The following PTPN14 variants were observed in gnomAD, a reference collection of about 807,000 sequenced individuals.
PTPN14 encodes the protein tyrosine-protein phosphatase non-receptor type 14.
Under a neutral mutation model 126.8 loss-of-function variants are expected in PTPN14, and 53 were observed. That is an observed-to-expected ratio of 0.42 (90% CI 0.34 to 0.53). The LOEUF (loss-of-function observed/expected upper bound fraction) is 0.53, where lower values mean the gene tolerates loss of function less well. PTPN14 is among the 20% of genes least tolerant of loss of function. PTPN14 has a pLI of 0.08. For missense variants in PTPN14, 1,257 were observed against 1,552.9 expected (o/e 0.81, Z 3.20); for synonymous variants, 630 against 599.3 (o/e 1.05, Z -0.75).
Position 214,444,439 on chromosome 1 carries a change from C to T in PTPN14, c.344+7366G>A, listed in dbSNP as rs932489836. ...AAGGGAGTCCCTGTATCCCAGCCCA[C>T]GGGTAGACTTTAAATATCCAGTAAA... On this transcript the variant is annotated intron_variant, in intron 3 of 18. Coordinates refer to ENST00000366956, the MANE Select transcript of PTPN14 (RefSeq NM_005401.5). 9.2e-5 allele frequency among the ~76,000 whole-genome samples: 14 copies of T among 152,146 alleles called. 1 individual carries two copies. In the South Asian group the frequency reaches 1.2e-3, roughly 14 times the overall value.
In PTPN14 at chr1:214,352,275, G is replaced by C. The variant is rs1339790376; in HGVS notation, c.*5647C>G. On this transcript the variant is annotated 3_prime_UTR_variant, in exon 19 of 19. Transcript: ENST00000366956. ...ATTTTAATAGAGAATATCTTAGTTT[G>C]GCTTTGAGAAAGAAGATGCAGCTAT... The C allele has an allele frequency of 1.3e-5, 2 of 152,184 alleles. No individual in the cohort carries two copies. The highest frequency in any genetic ancestry group is 4.8e-5 in the African/African-American group (2 of 41,438). 9.4% of individuals were successfully genotyped at this position (152,184 alleles called of 1,614,324 possible).
chr1:214,421,444 A>G lies in PTPN14; in HGVS notation c.345-6718T>C, dbSNP rs181067909. ...TAACATTTTGAAATTAGACAGTGACAGTGGCTGCACAACTTTGTTAAAACA... is the reference window on the plus strand; with the variant it reads ...TAACATTTTGAAATTAGACAGTGACGGTGGCTGCACAACTTTGTTAAAACA... On this transcript the variant is annotated intron_variant, in intron 3 of 18. Transcript: ENST00000366956. 2.5e-3 allele frequency among the ~76,000 whole-genome samples: 378 copies of G among 152,328 alleles called. 1 individual carries two copies. Among genetic ancestry groups the G allele is most frequent in the Non-Finnish European group, 4.0e-3 (274 of 68,024 alleles).
At chr1:214,440,457 T>C (rs928910390) in intron 3 of PTPN14, among the ~76,000 whole-genome samples, 3 of 152,160 alleles carry the variant, frequency 2.0e-5, no homozygotes, top group Non-Finnish European at 2.9e-5. Flanking sequence ...TTGTGAGCAA[T>C]AAAGAGAGGA....
intron 1 of PTPN14, among the ~76,000 whole-genome samples, chr1:214,543,640 T>C (rs1045731300): frequency 6.7e-6 from 1 of 149,178 alleles, no homozygotes; most frequent in African/African-American, 2.5e-5. Flanking sequence ...TATAACACGT[T>C]TTTTTTTTTT....
intron 1 of PTPN14, among the ~76,000 whole-genome samples, chr1:214,504,730 C>T (rs145609308): frequency 1.1e-3 from 165 of 152,232 alleles, no homozygotes; most frequent in African/African-American, 3.3e-3. Flanking sequence ...TGAGCTTAAT[C>T]GAGGGGAGAC....
chr1:214,496,206 A>G (rs146653047), intron 1 of PTPN14, among the ~76,000 whole-genome samples: 246 of 152,320 alleles, frequency 1.6e-3, no homozygotes, highest in Non-Finnish European at 2.8e-3. Context: ...TTGCTTCTGC[A>G]TAACTAGATC....
chr1:214,482,841 C>G (rs200411782), intron 1 of PTPN14: 1 of 1,591,206 alleles, frequency 6.3e-7, no homozygotes, highest in South Asian at 1.1e-5. Context: ...CACTTTTATA[C>G]TGATGTCACC....
chr1:214,460,641 C>G (rs1464353377), intron 2 of PTPN14, among the ~76,000 whole-genome samples: 1 of 151,132 alleles, frequency 6.6e-6, no homozygotes, highest in African/African-American at 2.4e-5. Context: ...ACACACACAT[C>G]AGTGCAAACT....
rs1409196872 is a variant in PTPN14 at position 214,355,718 on chromosome 1, G to T, written c.*2204C>A. ...AACACCTGGCCAGGTTGAAACAGAG[G>T]ATTCCTATTCCGAAGAACTTAATGG... On this transcript the variant is annotated 3_prime_UTR_variant, in exon 19 of 19. Transcript: ENST00000366956. 1 of 152,076 alleles carries T rather than the reference G, an allele frequency of 6.6e-6. No homozygotes were observed. Among genetic ancestry groups the T allele is most frequent in the African/African-American group, 2.4e-5 (1 of 41,416 alleles). The allele number at this position is 152,076 out of a possible 1,614,324, so 9.4% of individuals were successfully genotyped here.
At chr1:214,379,895 C>T (rs537496197) in intron 13 of PTPN14, among the ~76,000 whole-genome samples, 6 of 152,330 alleles carry the variant, frequency 3.9e-5, no homozygotes, top group Non-Finnish European at 8.8e-5. Context: ...GTCATCAGGA[C>T]CTCCTGAGGC....
intron 1 of PTPN14, among the ~76,000 whole-genome samples, chr1:214,486,016 G>A (rs1034184125): frequency 3.3e-5 from 5 of 152,252 alleles, no homozygotes; most frequent in East Asian, 1.9e-4. Context: ...GTGAGCCACC[G>A]CACCCGGCCT....
intron 3 of PTPN14, among the ~76,000 whole-genome samples, chr1:214,415,342 C>T (rs1219111160): frequency 6.6e-6 from 1 of 152,160 alleles, no homozygotes; most frequent in Admixed American, 6.5e-5. Context: ...TAGACAAGTG[C>T]CCTCAGGAGC....
At chr1:214,368,033 G>A (rs1290838502) in intron 17 of PTPN14, among the ~76,000 whole-genome samples, 1 of 152,092 alleles carries the variant, frequency 6.6e-6, no homozygotes, top group African/African-American at 2.4e-5. Context: ...TAGCCATTGA[G>A]CAAATTTCAG....
chr1:214,507,448 AC>A (rs1270432254), intron 1 of PTPN14, among the ~76,000 whole-genome samples: 3 of 152,180 alleles, frequency 2.0e-5, no homozygotes, highest in Non-Finnish European at 4.4e-5. Flanking sequence ...CAGCATATAT[AC>A]CTTTTTATAA....
In PTPN14 at chr1:214,517,663, C is replaced by T. The variant is rs142205538; in HGVS notation, c.-155+33520G>A. 5.9e-5 allele frequency among the ~76,000 whole-genome samples: 9 copies of T among 152,100 alleles called. 1 individual carries two copies. The East Asian group carries it at 1.7e-3, about 29-fold the overall frequency. On this transcript the variant is annotated intron_variant, in intron 1 of 18. Transcript: ENST00000366956. ...CAGGAGGAGTAGGGAGGGAAAGGGACCCTTCCCTAGTCCCTCTAGACTATA... is the reference window on the plus strand; with the variant it reads ...CAGGAGGAGTAGGGAGGGAAAGGGATCCTTCCCTAGTCCCTCTAGACTATA...
intron 16 of PTPN14, among the ~76,000 whole-genome samples, chr1:214,372,065 C>G (rs1297050808): frequency 1.3e-5 from 2 of 152,166 alleles, no homozygotes; most frequent in East Asian, 3.8e-4. Flanking sequence ...AGAAGAAATA[C>G]AACACTTCTC....
At chr1:214,464,586 C>T (rs374766505) in intron 2 of PTPN14, 44 bp downstream of exon 2, 5 of 1,595,600 alleles carry the variant, frequency 3.1e-6, no homozygotes, top group Middle Eastern at 1.7e-4. Context: ...ACATACCCAA[C>T]ACGCATGCAC....
chr1:214,440,092 G>A (rs1660005666), intron 3 of PTPN14, among the ~76,000 whole-genome samples: 1 of 152,134 alleles, frequency 6.6e-6, no homozygotes, highest in South Asian at 2.1e-4. Flanking sequence ...CTATCTATGG[G>A]CTCTCCCATG....
At chr1:214,490,892 GGGGAGGGAAGGGGAAGGAA>G (rs1371436108) in intron 1 of PTPN14, among the ~76,000 whole-genome samples, 9 of 23,820 alleles carry the variant, frequency 3.8e-4, no homozygotes, top group East Asian at 1.5e-3. Context: ...GGGAAGGGGA[GGGGAGGGAAGGGGAAGGAA>G]GGGAAGGAAA....
Sources: gnomAD v4.1 joint callset for allele counts (sites outside exome capture counted in the v4.1 genomes callset) on GRCh38, gnomAD v4.1.1 for gene constraint, MANE v1.5 for transcripts, NCBI Gene and HGNC (gene_info 2026-07-23, HGNC 2026-07-21) for gene names.